The following MACROD2 variants were observed in gnomAD, a reference collection of about 807,000 sequenced individuals.
MACROD2 encodes the protein ADP-ribose glycohydrolase MACROD2.
Under a neutral mutation model 70.4 loss-of-function variants are expected in MACROD2, and 36 were observed. That is an observed-to-expected ratio of 0.51 (90% CI 0.39 to 0.68). The LOEUF (loss-of-function observed/expected upper bound fraction) is 0.68. Ranked by LOEUF, MACROD2 falls within the 30% of genes least tolerant of loss-of-function variation. The pLI is 0.00. For missense variants in MACROD2, 496 were observed against 538.4 expected (o/e 0.92, Z 0.78); for synonymous variants, 172 against 178.8 (o/e 0.96, Z 0.30).
chr20:14,852,168 A>G (rs535420193), intron 5 of MACROD2, among the ~76,000 whole-genome samples: 2 of 152,212 alleles, frequency 1.3e-5, no homozygotes, highest in South Asian at 4.2e-4. Flanking sequence ...GGAGCCAGCT[A>G]AGGAGACAGG....
rs138816924 is a variant in MACROD2 at position 15,988,226 on chromosome 20, C to T, written c.1153+1068C>T. 4.6e-5 allele frequency among the ~76,000 whole-genome samples: 7 copies of T among 152,232 alleles called. No homozygotes were observed. The East Asian group carries it at 7.7e-4, about 17-fold the overall frequency. Reference sequence around the variant, plus strand: ...TATTGCAAATCCTAGTTCAGACTCACGACTCCACTTTCCTGTTAAGTCAAA... The same window carrying T: ...TATTGCAAATCCTAGTTCAGACTCATGACTCCACTTTCCTGTTAAGTCAAA... On this transcript the variant is annotated intron_variant, in intron 15 of 17. Transcript: ENST00000684519.
At chr20:15,889,097 G>T (rs963458581) in intron 10 of MACROD2, among the ~76,000 whole-genome samples, 1 of 152,130 alleles carries the variant, frequency 6.6e-6, no homozygotes, top group African/African-American at 2.4e-5. Flanking sequence ...AAACCCACTG[G>T]GGTGCTTGTA....
intron 4 of MACROD2, among the ~76,000 whole-genome samples, chr20:14,652,348 G>T (rs1274407028): frequency 6.6e-6 from 1 of 152,110 alleles, no homozygotes; most frequent in Non-Finnish European, 1.5e-5. Context: ...CAAGAGCATG[G>T]TATTTCTTTT....
chr20:14,802,541 A>T (rs150388854), intron 5 of MACROD2, among the ~76,000 whole-genome samples: 10 of 152,234 alleles, frequency 6.6e-5, no homozygotes, highest in African/African-American at 2.2e-4. Flanking sequence ...CTTTTAATTT[A>T]GACATATCTA....
Position 14,449,025 on chromosome 20 carries a change from A to G in MACROD2, c.272-44454A>G, listed in dbSNP as rs551620154. 8.3e-4 allele frequency among the ~76,000 whole-genome samples: 126 copies of G among 152,268 alleles called. 1 individual carries two copies. Among genetic ancestry groups the G allele is most frequent in the Non-Finnish European group, 9.8e-4 (67 of 68,034 alleles). On this transcript the variant is annotated intron_variant, in intron 3 of 17. Coordinates refer to ENST00000684519, the MANE Select transcript of MACROD2 (RefSeq NM_001351661.2). ...TAGAGAATCTTTTCTCTGGCACAAT[A>G]GGAAAGTTAGGTTCTAGTTGAAGAA...
chr20:15,959,930 A>G (rs901202342), intron 12 of MACROD2, among the ~76,000 whole-genome samples: 1 of 152,216 alleles, frequency 6.6e-6, no homozygotes, highest in Non-Finnish European at 1.5e-5. Context: ...AAGAACCACA[A>G]AGTGAGTTAG....
At position 14,691,285 on chromosome 20, in the gene MACROD2, A is replaced by T. The variant is rs565896098; in HGVS notation, c.418+6326A>T. On this transcript the variant is annotated intron_variant, in intron 5 of 17. Transcript: ENST00000684519. Reference sequence around the variant, plus strand: ...ACTAAATATTGAATTTTATTAAATGAATTACTACTTATTCAGATCAAAGTT... The same window carrying T: ...ACTAAATATTGAATTTTATTAAATGTATTACTACTTATTCAGATCAAAGTT... 3.9e-4 allele frequency among the ~76,000 whole-genome samples: 60 copies of T among 152,338 alleles called. No homozygotes were observed. The Middle Eastern group carries it at 0.01, about 26-fold the overall frequency.
intron 3 of MACROD2, among the ~76,000 whole-genome samples, chr20:14,201,470 T>C (rs948078800): frequency 2.6e-5 from 4 of 152,204 alleles, no homozygotes; most frequent in African/African-American, 9.6e-5. Context: ...AACTAGAATC[T>C]AGCCTTCCTT....
chr20:15,110,999 G>T (rs2075949997), intron 5 of MACROD2, among the ~76,000 whole-genome samples: 1 of 152,132 alleles, frequency 6.6e-6, no homozygotes, highest in Admixed American at 6.6e-5. Flanking sequence ...ATTCTGTGAA[G>T]TAAGAGTCAT....
chr20:14,113,686 G>A lies in MACROD2; in HGVS notation c.271+27958G>A, dbSNP rs915133183. Among the ~76,000 whole-genome samples, 9 of 152,184 alleles carry A rather than the reference G, an allele frequency of 5.9e-5. No individual in the cohort carries two copies. The East Asian group carries it at 1.4e-3, about 23-fold the overall frequency. ...ATCACACAGTTAGAATTCTCATCCCGTGGGTTTCCAGGTGGAAATTAATTC... is the reference window on the plus strand; with the variant it reads ...ATCACACAGTTAGAATTCTCATCCCATGGGTTTCCAGGTGGAAATTAATTC... On this transcript the variant is annotated intron_variant, in intron 3 of 17. Coordinates refer to ENST00000684519, the MANE Select transcript of MACROD2 (RefSeq NM_001351661.2).
At chr20:14,381,736 T>C (rs1056387367) in intron 3 of MACROD2, among the ~76,000 whole-genome samples, 4 of 152,204 alleles carry the variant, frequency 2.6e-5, no homozygotes, top group African/African-American at 4.8e-5. Flanking sequence ...GTCTCTATTA[T>C]GTTTACACCA....
chr20:14,203,503 A>G (rs1417016060), intron 3 of MACROD2, among the ~76,000 whole-genome samples: 1 of 152,100 alleles, frequency 6.6e-6, no homozygotes, highest in Non-Finnish European at 1.5e-5. Context: ...ATCTGATGTA[A>G]CATTTATTTC....
At chr20:14,082,596 C>T (rs1305379296) in intron 2 of MACROD2, among the ~76,000 whole-genome samples, 1 of 152,136 alleles carries the variant, frequency 6.6e-6, no homozygotes, top group Non-Finnish European at 1.5e-5. Flanking sequence ...GAGTTACTTA[C>T]ATAATGCTTC....
At chr20:14,828,727 G>T (rs1242256553) in intron 5 of MACROD2, among the ~76,000 whole-genome samples, 1 of 152,098 alleles carries the variant, frequency 6.6e-6, no homozygotes, top group African/African-American at 2.4e-5. Context: ...CTTGAAAGGG[G>T]CAGGTGTAAT....
chr20:15,363,475 G>A (rs2078376658), intron 6 of MACROD2, among the ~76,000 whole-genome samples: 1 of 152,224 alleles, frequency 6.6e-6, no homozygotes, highest in Admixed American at 6.5e-5. Flanking sequence ...GATGCTATGA[G>A]TTGGTGGCAG....
intron 8 of MACROD2, among the ~76,000 whole-genome samples, chr20:15,601,797 G>C (rs1398652965): frequency 1.1e-4 from 17 of 152,222 alleles, no homozygotes; most frequent in Admixed American, 1.1e-3. Flanking sequence ...GGGAGGCCGA[G>C]GCGGGTGGAT....
intron 4 of MACROD2, among the ~76,000 whole-genome samples, chr20:14,604,031 A>G (rs1208266665): frequency 1.3e-5 from 2 of 152,074 alleles, no homozygotes; most frequent in Non-Finnish European, 2.9e-5. Context: ...TTGGACCTTA[A>G]TCGATGCTTT....
At chr20:15,487,742 A>G (rs1451286122) in intron 7 of MACROD2, among the ~76,000 whole-genome samples, 2 of 152,122 alleles carry the variant, frequency 1.3e-5, no homozygotes, top group Non-Finnish European at 2.9e-5. Flanking sequence ...AGGGGAGCTG[A>G]ACACTGAGAA....
At chr20:14,733,238 T>G (rs1356709435) in intron 5 of MACROD2, among the ~76,000 whole-genome samples, 5 of 152,156 alleles carry the variant, frequency 3.3e-5, no homozygotes, top group Non-Finnish European at 7.4e-5. Context: ...GTGTTTATCT[T>G]TTTTGACATT....
Sources: gnomAD v4.1 joint callset for allele counts (sites outside exome capture counted in the v4.1 genomes callset) on GRCh38, gnomAD v4.1.1 for gene constraint, MANE v1.5 for transcripts, NCBI Gene and HGNC (gene_info 2026-07-23, HGNC 2026-07-21) for gene names.